HIVEP1: variants seen among roughly 807,000 people sequenced by gnomAD.
HIVEP1 encodes the protein zinc finger protein 40.
HIVEP1 carries 36 observed loss-of-function variants against 180.0 expected under a neutral mutation model. The ratio of observed to expected loss-of-function variants is 0.20; its 90% CI spans 0.15 to 0.26. HIVEP1 has a LOEUF of 0.26. Among genes scored for constraint, HIVEP1 ranks in the 10% least tolerant of loss-of-function variants. The probability of loss-of-function intolerance (pLI) is 1.00; values close to 1 mark genes in which losing one functional copy is unlikely to be tolerated. For synonymous variants in HIVEP1, 1,239 were observed against 1,239.0 expected (o/e 1.00, Z 0.00); for missense variants, 3,143 against 3,268.7 (o/e 0.96, Z 0.94).
chr6:12,196,400 C>T, the HIVEP1 span, among the ~76,000 whole-genome samples: 1 of 152,162 alleles, frequency 6.6e-6, no homozygotes, highest in African/African-American at 2.4e-5. Context: ...CCAACAGAAT[C>T]TCAGTTTCTC....
At chr6:12,099,044 A>C (rs1198773126) in intron 3 of HIVEP1, among the ~76,000 whole-genome samples, 1 of 152,204 alleles carries the variant, frequency 6.6e-6, no homozygotes, top group Non-Finnish European at 1.5e-5. Flanking sequence ...AAAGCATTGC[A>C]ATGAAAACAA....
rs763207128 is a variant in HIVEP1 at position 12,124,203 on chromosome 6, A to G, written c.4408A>G (p.Thr1470Ala). 8.1e-6 allele frequency: 13 copies of G among 1,614,080 alleles called. No homozygotes were observed. The highest frequency in any genetic ancestry group is 2.2e-5 in the South Asian group (2 of 91,070). The change falls in exon 4 of 9, where the codon ACT (threonine) becomes GCT (alanine). Residue 1470 changes from threonine to alanine, a missense_variant. Coordinates refer to ENST00000379388, the MANE Select transcript of HIVEP1 (RefSeq NM_002114.4). ...AGTGCCATATCAGGGGCCTCAGCTC[A>G]CTAGTACATCTTTAGCTGAGTTTTC... is the stretch of plus-strand genomic sequence containing the variant. ...NAVPYQGPQLTSTSLAEFSAN... is the reference protein window; with the variant it reads ...NAVPYQGPQLASTSLAEFSAN...
chr6:12,161,385 C>T lies in HIVEP1; in HGVS notation c.6488-54C>T, dbSNP rs1480426121. ...AACGTATAAAAAATTTTTAAAATAG[C>T]ACTTGTGCACTTGGAAAGCATTCCA... On this transcript the variant is annotated intron_variant, in intron 7 of 8. Coordinates refer to ENST00000379388, the MANE Select transcript of HIVEP1 (RefSeq NM_002114.4). 6.5e-6 allele frequency: 10 copies of T among 1,527,298 alleles called. No individual in the cohort carries two copies. In the East Asian group the frequency reaches 2.3e-4, roughly 35 times the overall value. The allele number at this position is 1,527,298 out of a possible 1,614,324, so 94.6% of individuals were successfully genotyped here.
At chr6:12,160,016 T>C (rs751722477) in intron 7 of HIVEP1, among the ~76,000 whole-genome samples, 40 of 152,350 alleles carry the variant, frequency 2.6e-4, no homozygotes, top group Non-Finnish European at 4.7e-4. Flanking sequence ...AGCCTATTGC[T>C]TGTTGCTCTG....
chr6:12,090,665 G>A (rs919695521), intron 3 of HIVEP1, among the ~76,000 whole-genome samples: 1 of 150,256 alleles, frequency 6.7e-6, no homozygotes, highest in Non-Finnish European at 1.5e-5. Flanking sequence ...TGACTTAAAC[G>A]CATGAGGCAT....
At chr6:12,152,964 T>C (rs1759796466) in intron 7 of HIVEP1, among the ~76,000 whole-genome samples, 1 of 152,228 alleles carries the variant, frequency 6.6e-6, no homozygotes, top group South Asian at 2.1e-4. Flanking sequence ...ATGGTGTTCG[T>C]TTTAAATTAT....
At chr6:12,037,327 A>G (rs1756540611) in intron 2 of HIVEP1, among the ~76,000 whole-genome samples, 1 of 152,212 alleles carries the variant, frequency 6.6e-6, no homozygotes, top group Admixed American at 6.5e-5. Context: ...CTGGCTATTT[A>G]GTAAACATAA....
rs192367109 is a variant in HIVEP1, at chr6:12,111,764, G to C, written c.95-8126G>C. 3.9e-3 allele frequency among the ~76,000 whole-genome samples: 594 copies of C among 152,294 alleles called. 3 individuals are homozygous for C. The highest frequency in any genetic ancestry group is 0.014 in the African/African-American group (568 of 41,554). ...GTTATGGGATTGTGTAATTAAATTT[G>C]AAAGAGTCCTGCAGTAACCGAGGAT... is the stretch of plus-strand genomic sequence containing the variant. On this transcript the variant is annotated intron_variant, in intron 3 of 8. Coordinates refer to ENST00000379388, the MANE Select transcript of HIVEP1 (RefSeq NM_002114.4).
At chr6:12,181,193 T>C in the HIVEP1 span, among the ~76,000 whole-genome samples, 1 of 151,718 alleles carries the variant, frequency 6.6e-6, no homozygotes, top group Admixed American at 6.6e-5. Flanking sequence ...ACCCCATCTC[T>C]ACTAAAAACA....
intron 2 of HIVEP1, among the ~76,000 whole-genome samples, chr6:12,074,777 T>C (rs1772242621): frequency 6.6e-6 from 1 of 152,018 alleles, no homozygotes; most frequent in South Asian, 2.1e-4. Context: ...GAAAAAGTGA[T>C]GGATCAGTAT....
chr6:12,142,444 A>T (rs72828103), intron 7 of HIVEP1, among the ~76,000 whole-genome samples: 27,196 of 152,184 alleles, frequency 0.18, 2,929 homozygotes, highest in East Asian at 0.46. Flanking sequence ...AAAGATGTAA[A>T]ATCAACACCT....
chr6:12,156,592 T>C (rs2113670145), intron 7 of HIVEP1, among the ~76,000 whole-genome samples: 1 of 152,308 alleles, frequency 6.6e-6, no homozygotes, highest in East Asian at 1.9e-4. Context: ...GATCTATGTG[T>C]CTGTTCTTGT....
chr6:12,145,750 T>G (rs563301739), intron 7 of HIVEP1, among the ~76,000 whole-genome samples: 1 of 152,194 alleles, frequency 6.6e-6, no homozygotes, highest in Non-Finnish European at 1.5e-5. Context: ...CAGACACTTG[T>G]GTGCGTGTTT....
chr6:12,125,292 G>A lies in HIVEP1; in HGVS notation c.5497G>A (p.Val1833Ile), dbSNP rs1757989750. ...ISNEAVNLTN[V>I]LPADNSSTGC... ...TAATGAGGCTGTTAATTTGACAAAT[G>A]TTTTACCAGCTGATAATTCATCAAC... The change falls in exon 4 of 9, where the codon GTT (valine) becomes ATT (isoleucine). Residue 1833 changes from valine to isoleucine, a missense_variant. By Grantham distance (29) the Val-to-Ile change is conservative. Transcript: ENST00000379388. The A allele has an allele frequency of 1.9e-6, 3 of 1,613,754 alleles. No individual in the cohort carries two copies. The highest frequency in any genetic ancestry group is 1.1e-5 in the South Asian group (1 of 90,946).
At chr6:12,046,830 C>T (rs564190128) in intron 2 of HIVEP1, among the ~76,000 whole-genome samples, 101 of 109,414 alleles carry the variant, frequency 9.2e-4, no homozygotes, top group African/African-American at 3.1e-3. Flanking sequence ...TACACTTCTT[C>T]TTACTGCCAC....
Position 12,122,769 on chromosome 6 carries a change from G to A in HIVEP1, c.2974G>A (p.Val992Ile). The A allele has an allele frequency of 1.2e-6, 2 of 1,611,938 alleles. No homozygotes were observed. Among genetic ancestry groups the A allele is most frequent in the East Asian group, 2.2e-5 (1 of 44,862 alleles). ...CSELHGPKTK[V>I]AMREPEHSPV... ...TGAGTTACATGGACCAAAAACAAAG[G>A]TAGCCATGAGAGAACCTGAGCACAG... is the stretch of plus-strand genomic sequence containing the variant. Residue 992 changes from valine to isoleucine, a missense_variant, in exon 4 of 9, where the codon GTA becomes ATA. Around this residue, in one of 12 missense-constraint regions of HIVEP1, gnomAD observed 204 missense variants for 243.7 expected, o/e 0.84. Transcript: ENST00000379388.
chr6:12,065,539 G>A (rs534952138), intron 2 of HIVEP1, among the ~76,000 whole-genome samples: 9 of 152,284 alleles, frequency 5.9e-5, no homozygotes, highest in South Asian at 2.1e-4. Flanking sequence ...GCAACTTCCC[G>A]TTCTGGAGGC....
chr6:12,015,594 T>C lies in HIVEP1; in HGVS notation c.-35T>C. ...TTGGTGGCTTGCTTTATCTGCAGTT[T>C]TTAAGAAGAAAAAGAAGGCCCTGAG... On this transcript the variant is annotated 5_prime_UTR_variant, in exon 2 of 9. Coordinates refer to ENST00000379388, the MANE Select transcript of HIVEP1 (RefSeq NM_002114.4). The C allele has an allele frequency of 6.2e-7, 1 of 1,601,450 alleles. No individual in the cohort carries two copies. The highest frequency in any genetic ancestry group is 8.5e-7 in the Non-Finnish European group (1 of 1,171,450).
intron 2 of HIVEP1, among the ~76,000 whole-genome samples, chr6:12,079,238 C>A (rs1426682359): frequency 1.3e-5 from 2 of 152,112 alleles, no homozygotes; most frequent in Non-Finnish European, 2.9e-5. Flanking sequence ...TTTTCAACAT[C>A]TTTATAACAA....
Sources: allele counts gnomAD v4.1 joint callset (sites outside exome capture counted in the v4.1 genomes callset), GRCh38; gene constraint gnomAD v4.1.1; regional missense constraint gnomAD v4.1.1; transcripts MANE v1.5; gene names NCBI Gene and HGNC (gene_info 2026-07-23, HGNC 2026-07-21).